C3orf33: variants seen among roughly 807,000 people sequenced by gnomAD.
The protein encoded by C3orf33 is mitochondrial inner membrane subdomain organizer 1.
In C3orf33, 23 loss-of-function variants were observed where a neutral mutation model predicts 28.7. The ratio of observed to expected loss-of-function variants is 0.80; its 90% CI spans 0.58 to 1.13. The LOEUF is 1.13. C3orf33 is among the 50% of genes most tolerant of loss of function. The probability of loss-of-function intolerance (pLI) is 0.00; values close to 1 mark genes in which losing one functional copy is unlikely to be tolerated. For synonymous variants in C3orf33, 119 were observed against 120.5 expected, an observed-to-expected ratio of 0.99 and a Z score of 0.08; for missense variants, 327 against 353.4, an observed-to-expected ratio of 0.93 and a Z score of 0.60.
At chr3:155,767,043 A>G (rs780660138) in intron 4 of C3orf33, among the ~76,000 whole-genome samples, 2 of 152,290 alleles carry the variant, frequency 1.3e-5, no homozygotes, top group African/African-American at 2.4e-5. Context: ...TCACAAGGTC[A>G]AGAGATCGAG....
intron 2 of C3orf33, among the ~76,000 whole-genome samples, chr3:155,792,253 C>A (rs929885919): frequency 6.6e-6 from 1 of 152,170 alleles, no homozygotes; most frequent in Non-Finnish European, 1.5e-5. Flanking sequence ...AGAGCCACAG[C>A]GTTACTGGGC....
intron 2 of C3orf33, among the ~76,000 whole-genome samples, chr3:155,789,129 G>A (rs1243003765): frequency 5.3e-5 from 8 of 151,876 alleles, no homozygotes; most frequent in East Asian, 1.9e-4. Context: ...GGTGGATCAC[G>A]AGGTCAGGAG....
At chr3:155,777,411 T>G (rs1750783274) in intron 2 of C3orf33, among the ~76,000 whole-genome samples, 1 of 152,134 alleles carries the variant, frequency 6.6e-6, no homozygotes, top group Non-Finnish European at 1.5e-5. Flanking sequence ...TTTTATTAGC[T>G]GTGATAATAT....
At chr3:155,767,693 G>C (rs760850350) in intron 3 of C3orf33, 24 bp from the exon 4 acceptor site, 42 of 1,461,720 alleles carry the variant, frequency 2.9e-5, no homozygotes, top group Non-Finnish European at 3.3e-5. Context: ...GTAGAAAAGA[G>C]TTTAGCTTTA....
intron 2 of C3orf33, among the ~76,000 whole-genome samples, chr3:155,781,781 A>C (rs1291099292): frequency 6.7e-6 from 1 of 149,532 alleles, no homozygotes; most frequent in Admixed American, 6.7e-5. Flanking sequence ...AAAAAAAAAA[A>C]AAAAAAAAAT....
At chr3:155,770,823 C>T (rs952716923) in intron 3 of C3orf33, among the ~76,000 whole-genome samples, 4 of 151,970 alleles carry the variant, frequency 2.6e-5, no homozygotes, top group Admixed American at 6.6e-5. Flanking sequence ...ACCACACTCC[C>T]GCCACCACAC....
chr3:155,764,478 A>G (rs1750332892), intron 4 of C3orf33, among the ~76,000 whole-genome samples: 1 of 152,192 alleles, frequency 6.6e-6, no homozygotes, highest in African/African-American at 2.4e-5. Context: ...TTCATCCTAC[A>G]GGAAATTTTA....
intron 2 of C3orf33, among the ~76,000 whole-genome samples, chr3:155,799,785 C>T (rs1395080172): frequency 6.6e-6 from 1 of 152,028 alleles, no homozygotes; most frequent in Non-Finnish European, 1.5e-5. Context: ...GAATGGAGGT[C>T]ATTATGTTAA....
chr3:155,765,941 T>C (rs907066901), intron 4 of C3orf33, among the ~76,000 whole-genome samples: 2 of 152,266 alleles, frequency 1.3e-5, no homozygotes, highest in Non-Finnish European at 2.9e-5. Context: ...CTGAATATCA[T>C]CTGGACATGC....
At chr3:155,769,635 G>C (rs1236244131) in intron 3 of C3orf33, among the ~76,000 whole-genome samples, 1 of 152,168 alleles carries the variant, frequency 6.6e-6, no homozygotes, top group Non-Finnish European at 1.5e-5. Flanking sequence ...TACATAATGA[G>C]TTACAGAAAG....
intron 2 of C3orf33, among the ~76,000 whole-genome samples, chr3:155,798,633 A>T (rs1560000350): frequency 1.3e-5 from 2 of 152,346 alleles, no homozygotes; most frequent in East Asian, 3.9e-4. Context: ...AATGCATTAA[A>T]GACTTAAATC....
At chr3:155,782,629 C>G (rs998526177) in intron 2 of C3orf33, among the ~76,000 whole-genome samples, 1 of 152,132 alleles carries the variant, frequency 6.6e-6, no homozygotes, top group Non-Finnish European at 1.5e-5. Context: ...AACTATAAAC[C>G]AAGAATATTA....
At chr3:155,781,582 A>G (rs1299787458) in intron 2 of C3orf33, among the ~76,000 whole-genome samples, 2 of 151,504 alleles carry the variant, frequency 1.3e-5, no homozygotes, top group Non-Finnish European at 2.9e-5. Flanking sequence ...ATCCTGGCTA[A>G]CACGGTGAAA....
At chr3:155,792,767 G>C (rs1010488829) in intron 2 of C3orf33, among the ~76,000 whole-genome samples, 1 of 151,916 alleles carries the variant, frequency 6.6e-6, no homozygotes, top group African/African-American at 2.4e-5. Context: ...CTGAGGACAG[G>C]CTATTTGAAA....
At chr3:155,785,306 GAAGAT>G (rs1751065758) in intron 2 of C3orf33, among the ~76,000 whole-genome samples, 1 of 152,074 alleles carries the variant, frequency 6.6e-6, no homozygotes, top group South Asian at 2.1e-4. Flanking sequence ...TAGCCAGACA[GAAGAT>G]AAGTAAGGAA....
At chr3:155,772,738 T>C (rs895396166) in intron 3 of C3orf33, among the ~76,000 whole-genome samples, 1 of 151,208 alleles carries the variant, frequency 6.6e-6, no homozygotes, top group Non-Finnish European at 1.5e-5. Flanking sequence ...GAATGAAGTA[T>C]TCTAAATGTT....
chr3:155,763,684 C>A lies in C3orf33; in HGVS notation c.718G>T (p.Asp240Tyr), dbSNP rs773963276. ...KDSWREIWKK[D>Y]SFLKTTGSDF... ...GATCCTGTTGTTTTTAAAAAACTGT[C>A]CTTTTTCCATATTTCTCTCCAGGAA... The change falls in exon 5 of 5, where the codon GAC becomes TAC. Residue 240 changes from aspartate (D) to tyrosine (Y), a missense_variant. Asp to Tyr is a radical substitution (Grantham distance 160, BLOSUM62 -3). Coordinates refer to ENST00000340171, the MANE Select transcript of C3orf33 (RefSeq NM_001308229.2). 106 of 1,593,984 alleles carry A rather than the reference C, an allele frequency of 6.7e-5. No individual in the cohort carries two copies. The highest frequency in any genetic ancestry group is 8.7e-5 in the Non-Finnish European group (102 of 1,175,032).
At chr3:155,797,629 T>C (rs371591787) in intron 2 of C3orf33, among the ~76,000 whole-genome samples, 2 of 152,198 alleles carry the variant, frequency 1.3e-5, no homozygotes, top group African/African-American at 4.8e-5. Flanking sequence ...AATATCAATA[T>C]ATAAAAATCA....
chr3:155,780,631 C>A (rs1278548072), intron 2 of C3orf33, among the ~76,000 whole-genome samples: 2 of 152,272 alleles, frequency 1.3e-5, no homozygotes, highest in Non-Finnish European at 1.5e-5. Context: ...ACAAAAAGAA[C>A]ACTGAAGCAT....
Sources: gnomAD v4.1 joint callset for allele counts (sites outside exome capture counted in the v4.1 genomes callset) on GRCh38, gnomAD v4.1.1 for gene constraint, MANE v1.5 for transcripts, NCBI Gene and HGNC (gene_info 2026-07-23, HGNC 2026-07-21) for gene names.